RPS6KA5: variants seen among roughly 807,000 people sequenced by gnomAD.
RPS6KA5 encodes ribosomal protein S6 kinase A5.
RPS6KA5 carries 27 observed loss-of-function variants against 85.5 expected under a neutral mutation model. The observed-to-expected ratio is 0.32, with a 90% CI of 0.23 to 0.44. RPS6KA5 has a LOEUF of 0.44. Among genes scored for constraint, RPS6KA5 ranks in the 20% least tolerant of loss-of-function variants. RPS6KA5 has a pLI of 1.00. For synonymous variants in RPS6KA5, 334 were observed against 348.2 expected (o/e 0.96, Z 0.46); for missense variants, 811 against 980.9 (o/e 0.83, Z 2.31).
Position 90,989,016 on chromosome 14 carries a change from AAAGT to A in RPS6KA5, c.176-10496_176-10493del, listed in dbSNP as rs66520128. 3.8e-3 allele frequency among the ~76,000 whole-genome samples: 574 copies of A among 152,338 alleles called. 1 individual carries two copies. Among genetic ancestry groups the A allele is most frequent in the Non-Finnish European group, 6.3e-3 (429 of 68,022 alleles). On this transcript the variant is annotated intron_variant, in intron 2 of 16. Transcript: ENST00000614987. The stretch of plus-strand genomic sequence containing the variant: ...TGAAATTACTCCCAGAGATGCTAAT[AAAGT>A]AAGTGACTATATAAAATAATAAATA...
At chr14:91,017,575 G>T (rs778723651) in intron 1 of RPS6KA5, among the ~76,000 whole-genome samples, 1 of 152,170 alleles carries the variant, frequency 6.6e-6, no homozygotes, top group Non-Finnish European at 1.5e-5. Context: ...TCCTTGCAGG[G>T]CTGGGGCAAG....
chr14:90,979,665 T>C (rs1443502767), intron 2 of RPS6KA5, among the ~76,000 whole-genome samples: 1 of 152,230 alleles, frequency 6.6e-6, no homozygotes, highest in Non-Finnish European at 1.5e-5. Flanking sequence ...AAGAGATCAG[T>C]GAAAGACTAA....
chr14:91,007,195 G>GCCTCTAAA (rs1272751903), intron 1 of RPS6KA5, among the ~76,000 whole-genome samples: 23 of 152,268 alleles, frequency 1.5e-4, no homozygotes, highest in African/African-American at 5.5e-4. Flanking sequence ...CTTACCTTCA[G>GCCTCTAAA]CCTCTAAATC....
At chr14:90,969,738 A>G (rs2039235160) in intron 3 of RPS6KA5, among the ~76,000 whole-genome samples, 1 of 152,118 alleles carries the variant, frequency 6.6e-6, no homozygotes, top group Non-Finnish European at 1.5e-5. Context: ...TAAGCTTTCT[A>G]TTTCAAATTC....
At chr14:90,937,127 G>A (rs2037301623) in intron 5 of RPS6KA5, among the ~76,000 whole-genome samples, 2 of 151,912 alleles carry the variant, frequency 1.3e-5, no homozygotes, top group South Asian at 2.1e-4. Flanking sequence ...GAGAGAGAAG[G>A]AAAGTCAGGT....
rs949799653 is a variant in RPS6KA5, at chr14:90,858,095, G to A, written c.*13979C>T. On this transcript the variant is annotated 3_prime_UTR_variant, in exon 17 of 17. Transcript: ENST00000614987. Reference sequence around the variant, plus strand: ...TTGTGATTGGACTAGCCCTCCTACTGAAAACAACGATGAAAGCTATATTAA... The same window carrying A: ...TTGTGATTGGACTAGCCCTCCTACTAAAAACAACGATGAAAGCTATATTAA... 1 of 151,870 alleles carries A rather than the reference G, an allele frequency of 6.6e-6. No homozygotes were observed. Among genetic ancestry groups the A allele is most frequent in the African/African-American group, 2.4e-5 (1 of 41,352 alleles). 9.4% of individuals were successfully genotyped at this position (151,870 alleles called of 1,614,324 possible). A position where few individuals can be genotyped will look rare whatever the true frequency, so the allele number is the denominator to read the frequency against.
intron 1 of RPS6KA5, among the ~76,000 whole-genome samples, chr14:91,004,210 C>G (rs1054995947): frequency 2.0e-5 from 3 of 152,148 alleles, no homozygotes; most frequent in Non-Finnish European, 4.4e-5. Context: ...CTCAGCCTCC[C>G]GAGGAGCTGG....
At chr14:90,885,741 C>CAAAAAAAAAAAAAAAAAAAAAA (rs11312699) in intron 14 of RPS6KA5, among the ~76,000 whole-genome samples, 6 of 27,886 alleles carry the variant, frequency 2.2e-4, no homozygotes, top group African/African-American at 7.1e-4. Flanking sequence ...GACTCCATCT[C>CAAAAAAAAAAAAAAAAAAAAAA]AAAAAAAAAA....
chr14:90,925,874 C>T (rs1289542408), intron 5 of RPS6KA5, among the ~76,000 whole-genome samples: 2 of 134,012 alleles, frequency 1.5e-5, no homozygotes, highest in African/African-American at 2.8e-5. Context: ...AGCAGGAGAT[C>T]GAGGCTGCAG....
chr14:90,858,484 G>A lies in RPS6KA5; in HGVS notation c.*13590C>T, dbSNP rs1470218794. On this transcript the variant is annotated 3_prime_UTR_variant, in exon 17 of 17. Transcript: ENST00000614987. The stretch of plus-strand genomic sequence containing the variant: ...TACTAAGAACAGAATGCTATAAAGA[G>A]AACGATGTCCTTTTTTTCTGAAGTC... 6.6e-6 allele frequency: 1 copy of A among 152,174 alleles called. No individual in the cohort carries two copies. Among genetic ancestry groups the A allele is most frequent in the Non-Finnish European group, 1.5e-5 (1 of 68,036 alleles). 9.4% of individuals were successfully genotyped at this position (152,174 alleles called of 1,614,324 possible).
chr14:91,020,835 T>A (rs975378794), intron 1 of RPS6KA5, among the ~76,000 whole-genome samples: 11 of 152,136 alleles, frequency 7.2e-5, no homozygotes, highest in African/African-American at 2.7e-4. Flanking sequence ...TCAATTTCTG[T>A]CTTTTAGGAC....
At chr14:90,950,682 T>C (rs2038127264) in intron 3 of RPS6KA5, among the ~76,000 whole-genome samples, 1 of 152,352 alleles carries the variant, frequency 6.6e-6, no homozygotes, top group South Asian at 2.1e-4. Flanking sequence ...ATATGATATA[T>C]TAAACTGATT....
intron 1 of RPS6KA5, among the ~76,000 whole-genome samples, chr14:91,029,222 T>C (rs545016608): frequency 2.0e-5 from 3 of 152,350 alleles, no homozygotes; most frequent in African/African-American, 7.2e-5. Context: ...AATTCAATGT[T>C]ACTTTCCCAC....
At chr14:90,916,228 G>A (rs1256178272) in intron 7 of RPS6KA5, among the ~76,000 whole-genome samples, 2 of 152,066 alleles carry the variant, frequency 1.3e-5, no homozygotes, top group Admixed American at 6.6e-5. Flanking sequence ...CCTTATAGAA[G>A]CTCCATCCTT....
chr14:90,974,019 C>T (rs2039443652), intron 3 of RPS6KA5, among the ~76,000 whole-genome samples: 1 of 104,714 alleles, frequency 9.5e-6, no homozygotes, highest in Admixed American at 1.5e-4. Flanking sequence ...GTCAAGGTGA[C>T]AGAGTGAGAC....
intron 3 of RPS6KA5, among the ~76,000 whole-genome samples, chr14:90,967,680 G>A (rs539503509): frequency 6.6e-6 from 1 of 152,248 alleles, no homozygotes; most frequent in South Asian, 2.1e-4. Flanking sequence ...AAATTGCAGA[G>A]ATATCTGGTT....
rs993694262 is a variant in RPS6KA5, at chr14:90,870,470, T to G, written c.*1604A>C. 1 of 152,116 alleles carries G rather than the reference T, an allele frequency of 6.6e-6. No individual in the cohort carries two copies. Among genetic ancestry groups the G allele is most frequent in the African/African-American group, 2.4e-5 (1 of 41,426 alleles). 9.4% of individuals were successfully genotyped at this position (152,116 alleles called of 1,614,324 possible). A position where few individuals can be genotyped will look rare whatever the true frequency, so the allele number is the denominator to read the frequency against. Reference sequence around the variant, plus strand: ...AGGATAATATAATATTTTGAAAATATTTTAATATTTGCCATTTTTTGCCTG... The same window carrying G: ...AGGATAATATAATATTTTGAAAATAGTTTAATATTTGCCATTTTTTGCCTG... On this transcript the variant is annotated 3_prime_UTR_variant, in exon 17 of 17. Coordinates refer to ENST00000614987, the MANE Select transcript of RPS6KA5 (RefSeq NM_004755.4).
chr14:90,988,407 G>T (rs1376756155), intron 2 of RPS6KA5, among the ~76,000 whole-genome samples: 1 of 152,196 alleles, frequency 6.6e-6, no homozygotes, highest in African/African-American at 2.4e-5. Flanking sequence ...CATTTATTAT[G>T]TGTCAGGCAA....
chr14:90,886,280 A>G (rs544120339), intron 14 of RPS6KA5, among the ~76,000 whole-genome samples: 1 of 152,346 alleles, frequency 6.6e-6, no homozygotes, highest in Admixed American at 6.5e-5. Context: ...TGGGAAAAAA[A>G]TTAAAAAATA....
Sources: gnomAD v4.1 joint callset for allele counts (sites outside exome capture counted in the v4.1 genomes callset) on GRCh38, gnomAD v4.1.1 for gene constraint, MANE v1.5 for transcripts, NCBI Gene and HGNC (gene_info 2026-07-23, HGNC 2026-07-21) for gene names.